The following CORIN variants were observed in gnomAD, a reference collection of about 807,000 sequenced individuals.
CORIN encodes the protein corin, serine peptidase, also known as atrial natriuretic peptide-converting enzyme.
A neutral mutation model predicts 125.3 loss-of-function variants in CORIN; 117 were observed. That is an observed-to-expected ratio of 0.93 (90% confidence interval 0.80 to 1.09). The LOEUF (loss-of-function observed/expected upper bound fraction) is 1.09, where lower values mean the gene tolerates loss of function less well. Ranked by LOEUF, CORIN falls within the 50% of genes least tolerant of loss-of-function variation. CORIN has a pLI of 0.00. For synonymous variants in CORIN, 450 were observed against 466.4 expected, an observed-to-expected ratio of 0.96 and a Z score of 0.45; for missense variants, 1,253 against 1,306.7, an observed-to-expected ratio of 0.96 and a Z score of 0.63.
intron 5 of CORIN, among the ~76,000 whole-genome samples, chr4:47,700,540 ACAT>A (rs985771438): frequency 2.0e-5 from 3 of 152,240 alleles, no homozygotes; most frequent in African/African-American, 4.8e-5. Context: ...CAAGGGGCTT[ACAT>A]GGAACCTGGA....
chr4:47,617,191 G>A (rs151212482), intron 19 of CORIN, among the ~76,000 whole-genome samples: 6 of 152,338 alleles, frequency 3.9e-5, no homozygotes, highest in African/African-American at 1.4e-4. Context: ...TGACTTTACT[G>A]TGGAAGTATA....
At chr4:47,752,177 C>A (rs1728933184) in intron 4 of CORIN, among the ~76,000 whole-genome samples, 1 of 152,136 alleles carries the variant, frequency 6.6e-6, no homozygotes, top group Admixed American at 6.5e-5. Flanking sequence ...CACCATACTC[C>A]CACCCTCCCA....
intron 21 of CORIN, among the ~76,000 whole-genome samples, chr4:47,599,612 ATTATG>A (rs1331161782): frequency 6.6e-6 from 1 of 152,120 alleles, no homozygotes. Context: ...CCTCTACACT[ATTATG>A]TTAATATGTT....
chr4:47,674,436 A>G lies in CORIN; in HGVS notation c.1314T>C (p.Gly438=). Residue 438 remains glycine (G), a synonymous_variant, in exon 10 of 22, where the codon GGT becomes GGC. Coordinates refer to ENST00000273857, the MANE Select transcript of CORIN (RefSeq NM_006587.4). The stretch of plus-strand genomic sequence containing the variant: ...TGTTCGGGTCACAGAGAGAGCTACC[A>G]CCACATGAATCAAGGCAGGGATTGT... ...CLYNPCLDSC[G]GSSLCDPNNS... is the part of the protein sequence containing the mutation. The G allele has an allele frequency of 2.5e-6, 4 of 1,614,032 alleles. No individual in the cohort carries two copies. The highest frequency in any genetic ancestry group is 3.4e-6 in the Non-Finnish European group (4 of 1,179,912).
intron 16 of CORIN, 43 bp downstream of exon 16, chr4:47,641,877 G>C: frequency 6.3e-7 from 1 of 1,596,446 alleles, no homozygotes; most frequent in Middle Eastern, 1.7e-4. Context: ...GTTCCACAAA[G>C]CCTTCTGAGA....
chr4:47,691,849 G>A (rs1435350895), intron 6 of CORIN, among the ~76,000 whole-genome samples: 1 of 152,034 alleles, frequency 6.6e-6, no homozygotes, highest in Non-Finnish European at 1.5e-5. Flanking sequence ...CTGCCATTCA[G>A]CAGGACAAAG....
At chr4:47,660,977 A>C (rs1183493023) in intron 12 of CORIN, among the ~76,000 whole-genome samples, 1 of 152,220 alleles carries the variant, frequency 6.6e-6, no homozygotes, top group Non-Finnish European at 1.5e-5. Flanking sequence ...ACATATATGC[A>C]ATGGATTATT....
chr4:47,661,990 T>C, intron 11 of CORIN, 134 bp from the exon 12 acceptor site: 1 of 804,666 alleles, frequency 1.2e-6, no homozygotes, highest in Non-Finnish European at 1.8e-6. Context: ...AAGATGCACA[T>C]ATATATGATA....
Position 47,661,663 on chromosome 4 carries a change from A to G in CORIN, c.1735+48T>C, listed in dbSNP as rs1370799472. 2.0e-6 allele frequency: 3 copies of G among 1,496,112 alleles called. No homozygotes were observed. The African/African-American group carries it at 4.2e-5, about 21-fold the overall frequency. The allele number at this position is 1,496,112 out of a possible 1,614,324, so 92.7% of individuals were successfully genotyped here. On this transcript the variant is annotated intron_variant, in intron 12 of 21. Coordinates refer to ENST00000273857, the MANE Select transcript of CORIN (RefSeq NM_006587.4). ...AGAAGAAATTCAAAAGGTAGCTAAC[A>G]TGTTCATCCATGTTAGATACCCTGC...
chr4:47,721,444 T>C (rs1727346310), intron 5 of CORIN, among the ~76,000 whole-genome samples: 1 of 152,164 alleles, frequency 6.6e-6, no homozygotes, highest in Non-Finnish European at 1.5e-5. Context: ...AATTTTTGTA[T>C]TTTTAGAAGA....
chr4:47,717,248 G>A (rs1251173152), intron 5 of CORIN, among the ~76,000 whole-genome samples: 1 of 152,108 alleles, frequency 6.6e-6, no homozygotes, highest in East Asian at 1.9e-4. Flanking sequence ...ATACGAACCA[G>A]TACACACTCA....
intron 1 of CORIN, among the ~76,000 whole-genome samples, chr4:47,808,433 A>G (rs544234578): frequency 6.6e-6 from 1 of 152,362 alleles, no homozygotes; most frequent in East Asian, 1.9e-4. Context: ...ATTGCAAGGC[A>G]TATGTGATTC....
rs1020522075 is a variant in CORIN, at chr4:47,595,558, G to GA, written c.*162dup. The GA allele has an allele frequency of 9.0e-6, 4 of 442,712 alleles. No homozygotes were observed. Among genetic ancestry groups the GA allele is most frequent in the Admixed American group, 7.6e-5 (2 of 26,468 alleles). 27.4% of individuals were successfully genotyped at this position (442,712 alleles called of 1,614,324 possible). A position where few individuals can be genotyped will look rare whatever the true frequency, so the allele number is the denominator to read the frequency against. ...AAAAATGAAGGTGAAAAAATAAATTGAAAAAAATTAGTCCAAAACAAACAT... is the reference window on the plus strand; with the variant it reads ...AAAAATGAAGGTGAAAAAATAAATTGAAAAAAAATTAGTCCAAAACAAACAT... On this transcript the variant is annotated 3_prime_UTR_variant, in exon 22 of 22. Coordinates refer to ENST00000273857, the MANE Select transcript of CORIN (RefSeq NM_006587.4).
chr4:47,623,614 T>G lies in CORIN; in HGVS notation c.2497A>C (p.Ile833Leu), dbSNP rs1722426282. ...PSGHICGCVL[I>L]AKKWVLTVAH... ...ACTGTCAGAACCCACTTCTTGGCAA[T>G]GAGGACACAGCCACAGATATGTCCA... The change falls in exon 19 of 22, where the codon ATT becomes CTT. Residue 833 changes from isoleucine to leucine, a missense_variant. Ile to Leu is a conservative substitution (Grantham distance 5). Transcript: ENST00000273857. 1.2e-6 allele frequency: 2 copies of G among 1,614,056 alleles called. No individual in the cohort carries two copies. The highest frequency in any genetic ancestry group is 1.6e-4 in the Middle Eastern group (1 of 6,084).
At chr4:47,687,921 C>A (rs1725590740) in intron 6 of CORIN, among the ~76,000 whole-genome samples, 1 of 152,154 alleles carries the variant, frequency 6.6e-6, no homozygotes, top group Admixed American at 6.5e-5. Flanking sequence ...ACGGCAGTAT[C>A]ATTTGACATT....
At chr4:47,713,656 C>T (rs1368613112) in intron 5 of CORIN, among the ~76,000 whole-genome samples, 1 of 152,062 alleles carries the variant, frequency 6.6e-6, no homozygotes. Context: ...CTCTTCTCCA[C>T]GATGTAATCA....
At chr4:47,824,340 G>A (rs1166331626) in intron 1 of CORIN, among the ~76,000 whole-genome samples, 1 of 150,660 alleles carries the variant, frequency 6.6e-6, no homozygotes, top group African/African-American at 2.4e-5. Context: ...CACACACAGT[G>A]CTACCAGGAG....
rs190206221 is a variant in CORIN, at chr4:47,825,513, T to A, written c.63+12374A>T. On this transcript the variant is annotated intron_variant, in intron 1 of 21. Coordinates refer to ENST00000273857, the MANE Select transcript of CORIN (RefSeq NM_006587.4). ...TCTCATGCACACTAAAGTTCTAGGATCACTGGCCTAATCACACATTCGCTA... is the reference window on the plus strand; with the variant it reads ...TCTCATGCACACTAAAGTTCTAGGAACACTGGCCTAATCACACATTCGCTA... Among the ~76,000 whole-genome samples the A allele has an allele frequency of 2.0e-3, 306 of 152,272 alleles. 2 individuals carry two copies. The highest frequency in any genetic ancestry group is 3.9e-3 in the Non-Finnish European group (264 of 68,026).
chr4:47,809,062 C>A (rs1577941832), intron 1 of CORIN, among the ~76,000 whole-genome samples: 1 of 152,168 alleles, frequency 6.6e-6, no homozygotes, highest in South Asian at 2.1e-4. Context: ...GTAGAGAGAG[C>A]AACCCTGAAT....
Sources: gnomAD v4.1 joint callset for allele counts (sites outside exome capture counted in the v4.1 genomes callset) on GRCh38, gnomAD v4.1.1 for gene constraint, MANE v1.5 for transcripts, NCBI Gene and HGNC (gene_info 2026-07-23, HGNC 2026-07-21) for gene names.